The following ZC2HC1B variants were observed in gnomAD, a reference collection of about 807,000 sequenced individuals.
ZC2HC1B encodes the protein zinc finger C2HC-type containing 1B, also known as zinc finger C2HC domain-containing protein 1B.
A neutral mutation model predicts 31.0 loss-of-function variants in ZC2HC1B; 36 were observed. The ratio of observed to expected loss-of-function variants is 1.16; its 90% CI spans 0.89 to 1.54. ZC2HC1B has a LOEUF of 1.54. Among genes scored for constraint, ZC2HC1B ranks in the 40% most tolerant of loss-of-function variants. The pLI is 0.00. For missense variants in ZC2HC1B, 260 were observed against 268.6 expected, an observed-to-expected ratio of 0.97 and a Z score of 0.22; for synonymous variants, 73 against 88.0, an observed-to-expected ratio of 0.83 and a Z score of 0.95.
intron 1 of ZC2HC1B, chr6:143,881,550 C>CAAAAAAAAAAA (rs1174647223): frequency 4.1e-4 from 14 of 34,452 alleles, no homozygotes; most frequent in African/African-American, 9.0e-4. Flanking sequence ...GACCCTGTCT[C>CAAAAAAAAAAA]AAAAAAAAAA....
intron 6 of ZC2HC1B, among the ~76,000 whole-genome samples, chr6:143,927,510 A>G (rs1050556602): frequency 2.0e-5 from 3 of 152,244 alleles, no homozygotes; most frequent in South Asian, 4.1e-4. Context: ...ATAGTATTCC[A>G]TATATATATT....
intron 1 of ZC2HC1B, among the ~76,000 whole-genome samples, chr6:143,867,645 G>A (rs191371039): frequency 1.3e-5 from 2 of 152,308 alleles, no homozygotes; most frequent in African/African-American, 4.8e-5. Flanking sequence ...ACAAAAGGGA[G>A]AGCAGGCACT....
At position 143,918,645 on chromosome 6, in the gene ZC2HC1B, C is replaced by T. The variant is rs192555967; in HGVS notation, c.598+15493C>T. On this transcript the variant is annotated intron_variant, in intron 6 of 7. Transcript: ENST00000237275. This position sits in a 1 kb window ranked among gnomAD's most constrained non-coding sequence, Gnocchi z 4.1. Reference sequence around the variant, plus strand: ...TTTTCAGCCATTATTTCTCTCTGCTCTTTTCTCTCTCTGCTCCTTCAGGTA... The same window carrying T: ...TTTTCAGCCATTATTTCTCTCTGCTTTTTTCTCTCTCTGCTCCTTCAGGTA... Among the ~76,000 whole-genome samples the T allele has an allele frequency of 3.9e-5, 6 of 152,220 alleles. No individual in the cohort carries two copies. In the East Asian group the frequency reaches 1.2e-3, roughly 29 times the overall value.
At position 143,868,219 on chromosome 6, in the gene ZC2HC1B, CAGA is replaced by C. The variant is rs1308439075; in HGVS notation, c.28+3655_28+3657del. Among the ~76,000 whole-genome samples, 1 of 152,102 alleles carries C rather than the reference CAGA, an allele frequency of 6.6e-6. No individual in the cohort carries two copies. The highest frequency in any genetic ancestry group is 6.5e-5 in the Admixed American group (1 of 15,278). Reference sequence around the variant, plus strand: ...TTCCATTTTACTGAGTCTTTTAAATCAGAAGGTGTATTAGGGTTCTCTAGAGGG... The same window carrying C: ...TTCCATTTTACTGAGTCTTTTAAATCAGGTGTATTAGGGTTCTCTAGAGGG... On this transcript the variant is annotated intron_variant, in intron 1 of 7. Transcript: ENST00000237275. The surrounding 1 kb of genome is among the most constrained non-coding windows in gnomAD (Gnocchi z 4.2).
intron 6 of ZC2HC1B, among the ~76,000 whole-genome samples, chr6:143,931,976 T>C (rs1161316582): frequency 6.6e-6 from 1 of 151,918 alleles, no homozygotes; most frequent in Non-Finnish European, 1.5e-5. Flanking sequence ...GCGATTCTCC[T>C]GCTTCAGCCT....
rs376711106 is a variant in ZC2HC1B at position 143,872,243 on chromosome 6, AG to A, written c.28+7680del. ...TAAACTGGCTCAAGTCTGGAAATTAAGGGGCCATGATTCTCTGTTTTTATAA... is the reference window on the plus strand; with the variant it reads ...TAAACTGGCTCAAGTCTGGAAATTAAGGGCCATGATTCTCTGTTTTTATAA... On this transcript the variant is annotated intron_variant, in intron 1 of 7. Coordinates refer to ENST00000237275, the MANE Select transcript of ZC2HC1B (RefSeq NM_001013623.3). The surrounding 1 kb of genome is among the most constrained non-coding windows in gnomAD (Gnocchi z 5.5). Among the ~76,000 whole-genome samples, 2 of 152,318 alleles carry A rather than the reference AG, an allele frequency of 1.3e-5. No homozygotes were observed. Among genetic ancestry groups the A allele is most frequent in the African/African-American group, 4.8e-5 (2 of 41,574 alleles).
Position 143,933,729 on chromosome 6 carries a change from G to C in ZC2HC1B, c.599-3920G>C, listed in dbSNP as rs1778148201. On this transcript the variant is annotated intron_variant, in intron 6 of 7. Coordinates refer to ENST00000237275, the MANE Select transcript of ZC2HC1B (RefSeq NM_001013623.3). The surrounding 1 kb of genome is among the most constrained non-coding windows in gnomAD (Gnocchi z 6.4). ...TAGGCAGCCTGCAGCCTGGGACTCA[G>C]ATCTAGTCCCAGGCTCTAAGTTTCC... Among the ~76,000 whole-genome samples, 2 of 152,164 alleles carry C rather than the reference G, an allele frequency of 1.3e-5. No individual in the cohort carries two copies. Among genetic ancestry groups the C allele is most frequent in the Non-Finnish European group, 2.9e-5 (2 of 68,032 alleles).
At chr6:143,866,992 G>A (rs1287911366) in intron 1 of ZC2HC1B, among the ~76,000 whole-genome samples, 1 of 152,202 alleles carries the variant, frequency 6.6e-6, no homozygotes, top group African/African-American at 2.4e-5. Flanking sequence ...GAGTGCCAAT[G>A]TGAGACAACA....
intron 6 of ZC2HC1B, among the ~76,000 whole-genome samples, chr6:143,926,413 G>T (rs114144603): frequency 1.3e-5 from 2 of 151,040 alleles, no homozygotes; most frequent in Non-Finnish European, 2.9e-5. Context: ...CCATGTATTT[G>T]TATAGTTTCC....
intron 6 of ZC2HC1B, among the ~76,000 whole-genome samples, chr6:143,930,473 G>A (rs565977079): frequency 8.0e-4 from 114 of 142,554 alleles, no homozygotes; most frequent in African/African-American, 2.9e-3. Flanking sequence ...TGCAAGCTCC[G>A]CCTCCTGGGT....
At chr6:143,919,217 C>CTCTCTGTGTGTGTGTG (rs1176724266) in intron 6 of ZC2HC1B, among the ~76,000 whole-genome samples, 3 of 123,698 alleles carry the variant, frequency 2.4e-5, no homozygotes, top group Admixed American at 1.7e-4. Flanking sequence ...TTGCTATTCT[C>CTCTCTGTGTGTGTGTG]TGTGTGTGTG....
rs975221683 is a variant in ZC2HC1B, at chr6:143,873,982, C to T, written c.28+9415C>T. Among the ~76,000 whole-genome samples the T allele has an allele frequency of 2.6e-5, 4 of 152,200 alleles. No homozygotes were observed. In the South Asian group the frequency reaches 6.2e-4, roughly 24 times the overall value. ...TCAAAAAATGGGTTTTCCTTTTCTA[C>T]TGCATCATCAAGTTGCAAATTTTCT... is the stretch of plus-strand genomic sequence containing the variant. On this transcript the variant is annotated intron_variant, in intron 1 of 7. Transcript: ENST00000237275.
intron 4 of ZC2HC1B, among the ~76,000 whole-genome samples, chr6:143,897,525 A>AACCTGGGGCCGACAGGAGCT (rs1201881221): frequency 6.6e-6 from 1 of 151,808 alleles, no homozygotes; most frequent in Non-Finnish European, 1.5e-5. Flanking sequence ...AACCACAGAG[A>AACCTGGGGCCGACAGGAGCT]ACCTGGGGCC....
rs562089577 is a variant in ZC2HC1B, at chr6:143,913,052, G to T, written c.598+9900G>T. Among the ~76,000 whole-genome samples the T allele has an allele frequency of 6.6e-6, 1 of 152,284 alleles. No individual in the cohort carries two copies. The highest frequency in any genetic ancestry group is 6.5e-5 in the Admixed American group (1 of 15,304). On this transcript the variant is annotated intron_variant, in intron 6 of 7. Transcript: ENST00000237275. The surrounding 1 kb of genome is among the most constrained non-coding windows in gnomAD (Gnocchi z 5.7). ...AACAGCTGTGCTGTGGTGATGAACTGCCTCTGCCCCTGTCAACTTGGTCTC... is the reference window on the plus strand; with the variant it reads ...AACAGCTGTGCTGTGGTGATGAACTTCCTCTGCCCCTGTCAACTTGGTCTC...
rs758120176 is a variant in ZC2HC1B, at chr6:143,903,005, GA to G, written c.490-37del. The G allele has an allele frequency of 7.1e-6, 11 of 1,542,258 alleles. No homozygotes were observed. In the African/African-American group the frequency reaches 1.1e-4, roughly 15 times the overall value. On this transcript the variant is annotated intron_variant, in intron 5 of 7. Transcript: ENST00000237275. This position sits in a 1 kb window ranked among gnomAD's most constrained non-coding sequence, Gnocchi z 4.3. ...TATGTGGCACCTGAGGTTACATACA[GA>G]AGGTGTTCTCTTTGTCTCTTTCTTT...
chr6:143,886,622 C>G lies in ZC2HC1B; in HGVS notation c.211-61C>G. ...TGTGAATTCAAATTCCAGCTTTAAA[C>G]AAAATTGTAATGGAGAGGTATATAG... On this transcript the variant is annotated intron_variant, in intron 3 of 7. Coordinates refer to ENST00000237275, the MANE Select transcript of ZC2HC1B (RefSeq NM_001013623.3). The surrounding 1 kb of genome is among the most constrained non-coding windows in gnomAD (Gnocchi z 4.2). 1 of 1,376,134 alleles carries G rather than the reference C, an allele frequency of 7.3e-7. No homozygotes were observed. Among genetic ancestry groups the G allele is most frequent in the Non-Finnish European group, 9.4e-7 (1 of 1,058,618 alleles). The allele number at this position is 1,376,134 out of a possible 1,614,324, so 85.2% of individuals were successfully genotyped here. A position where few individuals can be genotyped will look rare whatever the true frequency, so the allele number is the denominator to read the frequency against.
rs2128498042 is a variant in ZC2HC1B, at chr6:143,934,239, C to G, written c.599-3410C>G. On this transcript the variant is annotated intron_variant, in intron 6 of 7. Coordinates refer to ENST00000237275, the MANE Select transcript of ZC2HC1B (RefSeq NM_001013623.3). The surrounding 1 kb of genome is among the most constrained non-coding windows in gnomAD (Gnocchi z 4.6). ...CAGAATTTGCAATAGCCTGCCACTTCTTTCAAAGGATCTGTGATTTCTTTT... is the reference window on the plus strand; with the variant it reads ...CAGAATTTGCAATAGCCTGCCACTTGTTTCAAAGGATCTGTGATTTCTTTT... Among the ~76,000 whole-genome samples, 1 of 152,342 alleles carries G rather than the reference C, an allele frequency of 6.6e-6. No individual in the cohort carries two copies. Among genetic ancestry groups the G allele is most frequent in the African/African-American group, 2.4e-5 (1 of 41,582 alleles).
At position 143,867,389 on chromosome 6, in the gene ZC2HC1B, C is replaced by T. The variant is rs368989796; in HGVS notation, c.28+2822C>T. On this transcript the variant is annotated intron_variant, in intron 1 of 7. Coordinates refer to ENST00000237275, the MANE Select transcript of ZC2HC1B (RefSeq NM_001013623.3). ...TAGGGAAGATGAACTGTGAACAGTC[C>T]CTGGGTCTGACTTCCATTTCCAGAG... 6.6e-5 allele frequency among the ~76,000 whole-genome samples: 10 copies of T among 152,224 alleles called. No individual in the cohort carries two copies. In the South Asian group the frequency reaches 1.0e-3, roughly 16 times the overall value.
At chr6:143,926,953 G>GGTGCCCGCCACC (rs376736229) in intron 6 of ZC2HC1B, among the ~76,000 whole-genome samples, 6 of 107,218 alleles carry the variant, frequency 5.6e-5, no homozygotes, top group Admixed American at 9.5e-5. Context: ...TGGGACTACA[G>GGTGCCCGCCACC]GCGCCCGGCT....
Sources: allele counts gnomAD v4.1 joint callset (sites outside exome capture counted in the v4.1 genomes callset), GRCh38; gene constraint gnomAD v4.1.1; non-coding constraint Gnocchi (gnomAD v3.1); transcripts MANE v1.5; gene names NCBI Gene and HGNC (gene_info 2026-07-23, HGNC 2026-07-21).